Variants in KDM4C observed in about 807,000 individuals in gnomAD.
The protein encoded by KDM4C is lysine demethylase 4C, also known as lysine-specific demethylase 4C.
Under a neutral mutation model 129.3 loss-of-function variants are expected in KDM4C, and 81 were observed. The ratio of observed to expected loss-of-function variants is 0.63; its 90% CI spans 0.52 to 0.75. The LOEUF is 0.75. Among genes scored for constraint, KDM4C ranks in the 30% least tolerant of loss-of-function variants. The pLI is 0.00. For missense variants in KDM4C, 1,457 were observed against 1,304.0 expected (o/e 1.12, Z -1.81); for synonymous variants, 573 against 456.1 (o/e 1.26, Z -3.26).
chr9:6,996,414 T>C (rs1184897604), intron 12 of KDM4C, among the ~76,000 whole-genome samples: 1 of 152,240 alleles, frequency 6.6e-6, no homozygotes, highest in Non-Finnish European at 1.5e-5. Context: ...GTGCATTTGT[T>C]TCCCAACATT....
chr9:6,954,235 A>G (rs1024388351), intron 8 of KDM4C, among the ~76,000 whole-genome samples: 5 of 152,214 alleles, frequency 3.3e-5, no homozygotes, highest in Admixed American at 6.5e-5. Flanking sequence ...TTCCCATGCA[A>G]TATGACTTTC....
At chr9:7,025,062 T>C (rs1028524104) in intron 15 of KDM4C, among the ~76,000 whole-genome samples, 7 of 152,242 alleles carry the variant, frequency 4.6e-5, no homozygotes, top group Non-Finnish European at 1.0e-4. Flanking sequence ...CATATATATT[T>C]ATGATTGTTA....
At chr9:6,872,944 A>G (rs371189173) in intron 5 of KDM4C, among the ~76,000 whole-genome samples, 60 of 152,162 alleles carry the variant, frequency 3.9e-4, no homozygotes, top group African/African-American at 6.5e-4. Context: ...TTTTTTCTTT[A>G]AGACAGAGTT....
intron 3 of KDM4C, among the ~76,000 whole-genome samples, chr9:6,808,045 C>T: frequency 9.4e-6 from 1 of 105,866 alleles, no homozygotes; most frequent in Admixed American, 8.3e-5. Flanking sequence ...GTGAGGGGCG[C>T]CTCTGCCCGG....
At chr9:6,765,693 A>G (rs1820482789) in intron 1 of KDM4C, among the ~76,000 whole-genome samples, 1 of 152,210 alleles carries the variant, frequency 6.6e-6, no homozygotes, top group African/African-American at 2.4e-5. Flanking sequence ...GCATTGGGAA[A>G]TACATCTTAC....
At chr9:6,979,667 T>C (rs1816423258) in intron 8 of KDM4C, among the ~76,000 whole-genome samples, 1 of 152,164 alleles carries the variant, frequency 6.6e-6, no homozygotes, top group African/African-American at 2.4e-5. Flanking sequence ...AAGTAACAGC[T>C]ATAACGATGG....
chr9:6,944,652 GTT>G (rs1158199897), intron 8 of KDM4C, among the ~76,000 whole-genome samples: 8 of 80,988 alleles, frequency 9.9e-5, no homozygotes, highest in Admixed American at 5.4e-4. Context: ...CAAGGTAGAG[GTT>G]TTTTTTTTTT....
intron 1 of KDM4C, among the ~76,000 whole-genome samples, chr9:6,732,091 G>C (rs933710561): frequency 2.0e-5 from 3 of 152,040 alleles, no homozygotes; most frequent in African/African-American, 7.2e-5. Flanking sequence ...GCTGGGGCTG[G>C]GTGTGGTGGC....
At chr9:6,932,502 A>G (rs925375667) in intron 8 of KDM4C, among the ~76,000 whole-genome samples, 3 of 152,196 alleles carry the variant, frequency 2.0e-5, no homozygotes, top group Admixed American at 6.5e-5. Flanking sequence ...GAGAGATGCT[A>G]CAGTGTATAC....
rs150898372 is a variant in KDM4C, at chr9:6,864,563, C to T, written c.629+14863C>T. ...TCGGCTCACAGTAACCTCTGCCTCC[C>T]AGTTTCAAGCAATTCTGCTGCCTCA... On this transcript the variant is annotated intron_variant, in intron 5 of 21. Transcript: ENST00000381309. Among the ~76,000 whole-genome samples, 16 of 149,636 alleles carry T rather than the reference C, an allele frequency of 1.1e-4. No homozygotes were observed. In the East Asian group the frequency reaches 2.6e-3, roughly 24 times the overall value.
At chr9:6,940,067 TTCTCTCTC>T (rs76741754) in intron 8 of KDM4C, among the ~76,000 whole-genome samples, 1 of 137,178 alleles carries the variant, frequency 7.3e-6, no homozygotes, top group Non-Finnish European at 1.6e-5. Flanking sequence ...CCTTCCCTCC[TTCTCTCTC>T]TCTCTTTCTT....
rs538025917 is a variant in KDM4C at position 7,114,737 on chromosome 9, CCA to C, written c.2610+10870_2610+10871del. On this transcript the variant is annotated intron_variant, in intron 18 of 21. Transcript: ENST00000381309. ...TTTATGCTTGGCTCTGTCATTTCCA[CCA>C]CAGAGTGCACCGTGGAACCAGGGAG... Among the ~76,000 whole-genome samples the C allele has an allele frequency of 6.4e-4, 97 of 152,242 alleles. No homozygotes were observed. In the East Asian group the frequency reaches 0.014, roughly 22 times the overall value.
intron 19 of KDM4C, among the ~76,000 whole-genome samples, chr9:7,154,455 A>G (rs1449277002): frequency 6.6e-6 from 1 of 152,140 alleles, no homozygotes; most frequent in Non-Finnish European, 1.5e-5. Flanking sequence ...ACACGTAAGG[A>G]GTAGTGATGG....
chr9:6,940,051 T>G (rs1825652411), intron 8 of KDM4C, among the ~76,000 whole-genome samples: 1 of 137,504 alleles, frequency 7.3e-6, no homozygotes, highest in Non-Finnish European at 1.6e-5. Context: ...CCTTCCCTCC[T>G]TCCCTCCTTC....
chr9:6,836,176 G>A (rs1421754720), intron 4 of KDM4C, among the ~76,000 whole-genome samples: 1 of 152,156 alleles, frequency 6.6e-6, no homozygotes, highest in African/African-American at 2.4e-5. Context: ...AAATCACTGG[G>A]TGTGGTGGCT....
chr9:6,969,185 G>A (rs4742278), intron 8 of KDM4C, among the ~76,000 whole-genome samples: 1 of 151,988 alleles, frequency 6.6e-6, no homozygotes, highest in Non-Finnish European at 1.5e-5. Flanking sequence ...ATCTGCCTGC[G>A]TCTGCCTCCC....
chr9:6,785,586 C>T (rs1297336062), intron 1 of KDM4C, among the ~76,000 whole-genome samples: 4 of 152,210 alleles, frequency 2.6e-5, no homozygotes, highest in Non-Finnish European at 1.5e-5. Flanking sequence ...ATCTGCCCAC[C>T]TTGGCCTCCC....
At chr9:6,812,071 T>A (rs1384925732) in intron 3 of KDM4C, among the ~76,000 whole-genome samples, 2 of 152,068 alleles carry the variant, frequency 1.3e-5, no homozygotes, top group African/African-American at 4.8e-5. Context: ...TATCTTTCTC[T>A]CTTAGAGTTA....
rs1346496978 is a variant in KDM4C at position 6,887,952 on chromosome 9, C to G, written c.680-8C>G. 1 of 1,561,446 alleles carries G rather than the reference C, an allele frequency of 6.4e-7. No individual in the cohort carries two copies. The highest frequency in any genetic ancestry group is 8.8e-7 in the Non-Finnish European group (1 of 1,132,434). On this transcript the variant is annotated splice_region_variant and splice_polypyrimidine_tract_variant and intron_variant, in intron 6 of 21. Coordinates refer to ENST00000381309, the MANE Select transcript of KDM4C (RefSeq NM_015061.6). ...ACAGTGCCACTTACATTTATTGTTTCTTTTTAGGTTTTTTCCCAAGCAGCT... is the reference window on the plus strand; with the variant it reads ...ACAGTGCCACTTACATTTATTGTTTGTTTTTAGGTTTTTTCCCAAGCAGCT...
Sources: gnomAD v4.1 joint callset for allele counts (sites outside exome capture counted in the v4.1 genomes callset) on GRCh38, gnomAD v4.1.1 for gene constraint, MANE v1.5 for transcripts, NCBI Gene and HGNC (gene_info 2026-07-23, HGNC 2026-07-21) for gene names.